Variants in FHIT observed in about 807,000 individuals in gnomAD.
The protein encoded by FHIT is bis(5'-adenosyl)-triphosphatase.
In FHIT, 19 loss-of-function variants were observed where a neutral mutation model predicts 17.9. The ratio of observed to expected loss-of-function variants is 1.06; its 90% CI spans 0.74 to 1.56. The LOEUF is 1.56. FHIT is among the 40% of genes most tolerant of loss of function. The probability of loss-of-function intolerance (pLI) is 0.00; values close to 1 mark genes in which losing one functional copy is unlikely to be tolerated. For synonymous variants in FHIT, 81 were observed against 69.7 expected (o/e 1.16, Z -0.81); for missense variants, 248 against 189.2 (o/e 1.31, Z -1.82).
At chr3:59,772,321 A>G (rs1702109669) in intron 8 of FHIT, among the ~76,000 whole-genome samples, 1 of 152,228 alleles carries the variant, frequency 6.6e-6, no homozygotes, top group Admixed American at 6.5e-5. Flanking sequence ...TTAGGCAGAA[A>G]TCACCCCGGT....
chr3:61,171,858 G>C (rs2038014317), intron 2 of FHIT, among the ~76,000 whole-genome samples: 1 of 152,226 alleles, frequency 6.6e-6, no homozygotes, highest in African/African-American at 2.4e-5. Flanking sequence ...TTATGTACAT[G>C]AAAGTTTGAA....
chr3:60,511,662 AGG>A (rs911166428), intron 5 of FHIT, among the ~76,000 whole-genome samples: 12 of 152,162 alleles, frequency 7.9e-5, no homozygotes, highest in African/African-American at 2.9e-4. Context: ...TTCTAACAGA[AGG>A]GCCTAGAAAC....
rs981709217 is a variant in FHIT at position 60,686,051 on chromosome 3, T to C, written c.-18+135868A>G. Among the ~76,000 whole-genome samples the C allele has an allele frequency of 2.0e-5, 3 of 152,208 alleles. No homozygotes were observed. The East Asian group carries it at 5.8e-4, about 29-fold the overall frequency. On this transcript the variant is annotated intron_variant, in intron 4 of 9. Coordinates refer to ENST00000492590, the MANE Select transcript of FHIT (RefSeq NM_002012.4). ...TTTTGTTTTTCTGAATGCAACTTTA[T>C]TTTGACTCCGTTCCTGAAGTATGAG...
chr3:60,706,028 C>T (rs2041363514), intron 4 of FHIT, among the ~76,000 whole-genome samples: 2 of 152,142 alleles, frequency 1.3e-5, no homozygotes, highest in South Asian at 4.1e-4. Flanking sequence ...TTTTCCATGA[C>T]TCAGTCCAGA....
At chr3:59,811,511 A>T (rs1700404977) in intron 8 of FHIT, among the ~76,000 whole-genome samples, 1 of 152,218 alleles carries the variant, frequency 6.6e-6, no homozygotes, top group African/African-American at 2.4e-5. Context: ...AGTTGGGATA[A>T]AAATTTCCAC....
At chr3:60,290,840 G>A (rs148336646) in intron 5 of FHIT, among the ~76,000 whole-genome samples, 87 of 152,200 alleles carry the variant, frequency 5.7e-4, no homozygotes, top group African/African-American at 2.0e-3. Context: ...GAAGACAGAG[G>A]ACTTGGGGTG....
At chr3:60,364,321 A>C (rs1392213995) in intron 5 of FHIT, among the ~76,000 whole-genome samples, 1 of 152,152 alleles carries the variant, frequency 6.6e-6, no homozygotes, top group Non-Finnish European at 1.5e-5. Context: ...TTTATAACTT[A>C]TGAAGGCAGT....
rs34723569 is a variant in FHIT, at chr3:60,794,373, A to AATGGATGGATGG, written c.-18+27534_-18+27545dup. The stretch of plus-strand genomic sequence containing the variant: ...GCAAAGAGGAAGGAAGGGAAGGAAA[A>AATGGATGGATGG]ATGGATGGATGGATGGATGGATGGA... On this transcript the variant is annotated intron_variant, in intron 4 of 9. Transcript: ENST00000492590. Among the ~76,000 whole-genome samples the AATGGATGGATGG allele has an allele frequency of 1.2e-3, 178 of 149,616 alleles. 2 individuals are homozygous for AATGGATGGATGG. The highest frequency in any genetic ancestry group is 1.5e-3 in the Non-Finnish European group (101 of 67,412).
chr3:59,899,600 G>A (rs1029047352), intron 8 of FHIT, among the ~76,000 whole-genome samples: 8 of 152,182 alleles, frequency 5.3e-5, no homozygotes, highest in Middle Eastern at 6.8e-3. Flanking sequence ...TTGGGAGGCC[G>A]AGGCGGACGG....
At chr3:60,976,892 T>A (rs1015327095) in intron 3 of FHIT, among the ~76,000 whole-genome samples, 9 of 152,158 alleles carry the variant, frequency 5.9e-5, no homozygotes, top group Non-Finnish European at 1.2e-4. Flanking sequence ...TTTTTTTTTT[T>A]TTATTTTTAA....
intron 5 of FHIT, among the ~76,000 whole-genome samples, chr3:60,152,810 T>C (rs988171003): frequency 3.9e-5 from 6 of 152,182 alleles, no homozygotes; most frequent in African/African-American, 1.4e-4. Flanking sequence ...TTATTATAAC[T>C]TTTTAAAAAT....
intron 5 of FHIT, among the ~76,000 whole-genome samples, chr3:60,176,339 G>T (rs1441353680): frequency 6.6e-6 from 1 of 152,062 alleles, no homozygotes; most frequent in Non-Finnish European, 1.5e-5. Context: ...GTGACAGAGT[G>T]AGACTCCATC....
chr3:60,203,804 A>T (rs1703030073), intron 5 of FHIT, among the ~76,000 whole-genome samples: 1 of 152,198 alleles, frequency 6.6e-6, no homozygotes, highest in South Asian at 2.1e-4. Flanking sequence ...GGGACAAAGA[A>T]AAACTAAAAG....
chr3:61,107,095 T>C (rs1015913167), intron 2 of FHIT, among the ~76,000 whole-genome samples: 1 of 152,202 alleles, frequency 6.6e-6, no homozygotes, highest in Non-Finnish European at 1.5e-5. Context: ...ATAACTGAAA[T>C]TTTGTATCCT....
intron 4 of FHIT, among the ~76,000 whole-genome samples, chr3:60,668,753 G>C (rs2040441421): frequency 1.3e-5 from 2 of 151,962 alleles, no homozygotes; most frequent in Non-Finnish European, 2.9e-5. Flanking sequence ...TTTTAGTAGA[G>C]ACGGGGTTCC....
intron 8 of FHIT, among the ~76,000 whole-genome samples, chr3:59,797,268 C>A (rs1457387733): frequency 2.0e-5 from 3 of 151,396 alleles, no homozygotes. Flanking sequence ...CTCACTGTAA[C>A]CTCCGCCTCC....
chr3:60,978,777 G>A lies in FHIT; in HGVS notation c.-111+63270C>T, dbSNP rs371898016. Among the ~76,000 whole-genome samples the A allele has an allele frequency of 1.9e-4, 29 of 152,242 alleles. 1 individual carries two copies. Among genetic ancestry groups the A allele is most frequent in the African/African-American group, 6.3e-4 (26 of 41,560 alleles). ...TGACTAAAGAGCCTAAAGCACAACC[G>A]TTCTATCTACAGGTAATAAAAAGGA... On this transcript the variant is annotated intron_variant, in intron 3 of 9. Transcript: ENST00000492590.
At chr3:60,088,219 G>C (rs1300277682) in intron 5 of FHIT, among the ~76,000 whole-genome samples, 1 of 151,792 alleles carries the variant, frequency 6.6e-6, no homozygotes, top group East Asian at 1.9e-4. Context: ...ATCTATTCAT[G>C]ACGGATCTGC....
At chr3:60,663,022 GTCAAAAA>G (rs1289735703) in intron 4 of FHIT, among the ~76,000 whole-genome samples, 1 of 150,882 alleles carries the variant, frequency 6.6e-6, no homozygotes, top group African/African-American at 2.4e-5. Flanking sequence ...TTGCATCTTT[GTCAAAAA>G]TCATTTGAGC....
Sources: gnomAD v4.1 joint callset for allele counts (sites outside exome capture counted in the v4.1 genomes callset) on GRCh38, gnomAD v4.1.1 for gene constraint, MANE v1.5 for transcripts, NCBI Gene and HGNC (gene_info 2026-07-23, HGNC 2026-07-21) for gene names.